SCN10A: variants seen among roughly 807,000 people sequenced by gnomAD.
SCN10A encodes the protein sodium voltage-gated channel alpha subunit 10.
A neutral mutation model predicts 170.7 loss-of-function variants in SCN10A; 162 were observed. That is an observed-to-expected ratio of 0.95 (90% CI 0.84 to 1.08). The LOEUF (loss-of-function observed/expected upper bound fraction) is 1.08, where lower values mean the gene tolerates loss of function less well. SCN10A is among the 50% of genes least tolerant of loss of function. SCN10A has a pLI of 0.00. For missense variants in SCN10A, 2,527 were observed against 2,436.9 expected (o/e 1.04, Z -0.78); for synonymous variants, 985 against 904.6 (o/e 1.09, Z -1.59).
Position 38,760,675 on chromosome 3 carries a change from A to G in SCN10A, c.950+6T>C. The G allele has an allele frequency of 6.2e-7, 1 of 1,612,032 alleles. No individual in the cohort carries two copies. Among genetic ancestry groups the G allele is most frequent in the Non-Finnish European group, 8.5e-7 (1 of 1,178,170 alleles). On this transcript the variant is annotated splice_donor_region_variant and intron_variant, in intron 8 of 27. Coordinates refer to ENST00000449082, the MANE Select transcript of SCN10A (RefSeq NM_006514.4). ...ACTCGTGCTTTGTCATAAGTTGGGA[A>G]CTCACCCTGAGTCAGATCCATTGCC...
chr3:38,766,423 G>A (rs751558751), intron 5 of SCN10A, among the ~76,000 whole-genome samples: 1 of 151,970 alleles, frequency 6.6e-6, no homozygotes, highest in Non-Finnish European at 1.5e-5. Flanking sequence ...ATGCCAATTT[G>A]GTTGAGGGTT....
intron 8 of SCN10A, among the ~76,000 whole-genome samples, chr3:38,759,085 C>A (rs1026805742): frequency 6.6e-6 from 1 of 152,188 alleles, no homozygotes; most frequent in Non-Finnish European, 1.5e-5. Flanking sequence ...TTCCAGTCCT[C>A]AGCTCCAACT....
At chr3:38,770,826 A>T (rs1048433513) in intron 5 of SCN10A, among the ~76,000 whole-genome samples, 15 of 152,154 alleles carry the variant, frequency 9.9e-5, no homozygotes, top group African/African-American at 3.6e-4. Context: ...GGTGCCTGTG[A>T]GACATAGTCA....
chr3:38,791,306 A>G (rs1009309008), intron 3 of SCN10A, among the ~76,000 whole-genome samples: 53 of 152,180 alleles, frequency 3.5e-4, no homozygotes, highest in Non-Finnish European at 3.7e-4. Context: ...AAACCAAACC[A>G]AAGTATCTTT....
At chr3:38,776,657 G>A (rs1303965440) in intron 4 of SCN10A, among the ~76,000 whole-genome samples, 1 of 152,016 alleles carries the variant, frequency 6.6e-6, no homozygotes, top group Non-Finnish European at 1.5e-5. Context: ...GAGATCCTTA[G>A]ATCACTTGTT....
chr3:38,731,466 G>A (rs115758563), intron 15 of SCN10A, among the ~76,000 whole-genome samples: 2,120 of 152,312 alleles, frequency 0.014, 52 homozygotes, highest in African/African-American at 0.048. Context: ...CAGGATACCA[G>A]ATAAGAAATA....
intron 13 of SCN10A, among the ~76,000 whole-genome samples, chr3:38,748,096 C>T (rs1038643824): frequency 6.6e-6 from 1 of 151,840 alleles, no homozygotes; most frequent in Non-Finnish European, 1.5e-5. Flanking sequence ...TAACAGTTTT[C>T]GAGAATAAAT....
chr3:38,804,480 T>G (rs755424404), intron 1 of SCN10A, among the ~76,000 whole-genome samples: 4 of 152,186 alleles, frequency 2.6e-5, no homozygotes, highest in Non-Finnish European at 5.9e-5. Context: ...TTTTGTCTAT[T>G]TGCTTAGCTG....
intron 4 of SCN10A, among the ~76,000 whole-genome samples, chr3:38,783,271 C>T (rs2064160321): frequency 6.6e-6 from 1 of 152,064 alleles, no homozygotes; most frequent in South Asian, 2.1e-4. Context: ...TGGAACGTGA[C>T]CAGCACTTCA....
At chr3:38,724,641 G>C (rs929704439) in intron 18 of SCN10A, among the ~76,000 whole-genome samples, 3 of 152,196 alleles carry the variant, frequency 2.0e-5, no homozygotes, top group African/African-American at 7.2e-5. Flanking sequence ...AGAATCACAA[G>C]GGAAAACTTC....
At position 38,793,729 on chromosome 3, in the gene SCN10A, A is replaced by G. The variant is rs761698317; in HGVS notation, c.270+12T>C. On this transcript the variant is annotated intron_variant, in intron 2 of 27. Coordinates refer to ENST00000449082, the MANE Select transcript of SCN10A (RefSeq NM_006514.4). ...AGAGCTGAGAGCAGACATTCCTACT[A>G]GTAGCTCTTACCCGGTGTGTGCTGT... 21 of 1,607,238 alleles carry G rather than the reference A, an allele frequency of 1.3e-5. No individual in the cohort carries two copies. The highest frequency in any genetic ancestry group is 1.8e-5 in the Non-Finnish European group (21 of 1,175,210).
chr3:38,805,405 G>A (rs139803749), intron 1 of SCN10A, among the ~76,000 whole-genome samples: 1 of 152,112 alleles, frequency 6.6e-6, no homozygotes, highest in Admixed American at 6.6e-5. Flanking sequence ...AGATATTGCT[G>A]GGCTCTCCAT....
chr3:38,802,401 A>T (rs554958376), intron 1 of SCN10A, among the ~76,000 whole-genome samples: 1 of 152,294 alleles, frequency 6.6e-6, no homozygotes, highest in African/African-American at 2.4e-5. Flanking sequence ...TTCCACCCAG[A>T]TGTCTGACAG....
Position 38,763,645 on chromosome 3 carries a change from G to A in SCN10A, c.600-49C>T, listed in dbSNP as rs1339666994. ...CATCTCTGCAAGCAAGGGTCCTGGG[G>A]ATGCATGCAGCATAAATAAGGATAA... is the stretch of plus-strand genomic sequence containing the variant. On this transcript the variant is annotated intron_variant, in intron 5 of 27. Transcript: ENST00000449082. 3.0e-6 allele frequency: 4 copies of A among 1,340,492 alleles called. No homozygotes were observed. The African/African-American group carries it at 5.7e-5, about 19-fold the overall frequency. 83.0% of individuals were successfully genotyped at this position (1,340,492 alleles called of 1,614,324 possible).
At chr3:38,736,361 C>G (rs868480853) in intron 15 of SCN10A, among the ~76,000 whole-genome samples, 16,988 of 139,154 alleles carry the variant, frequency 0.12, 1,104 homozygotes, top group African/African-American at 0.17. Context: ...TAGGGAAACT[C>G]TGTGTGTGTG....
chr3:38,752,123 C>T, intron 12 of SCN10A, 96 bp downstream of exon 12: 1 of 1,154,638 alleles, frequency 8.7e-7, no homozygotes, highest in Non-Finnish European at 1.2e-6. Flanking sequence ...AGGATGATGG[C>T]TAAAGATCCC....
At chr3:38,811,514 C>T (rs1219154763) in intron 1 of SCN10A, among the ~76,000 whole-genome samples, 6 of 150,590 alleles carry the variant, frequency 4.0e-5, no homozygotes, top group Non-Finnish European at 4.4e-5. Context: ...AGTGTAAAAA[C>T]GATATATAGT....
intron 20 of SCN10A, among the ~76,000 whole-genome samples, chr3:38,721,289 G>A (rs1198730894): frequency 6.6e-6 from 1 of 152,214 alleles, no homozygotes; most frequent in Non-Finnish European, 1.5e-5. Flanking sequence ...TGAATCGGAA[G>A]AGCGGGACTG....
chr3:38,806,079 T>C (rs893224961), intron 1 of SCN10A, among the ~76,000 whole-genome samples: 1 of 152,130 alleles, frequency 6.6e-6, no homozygotes. Context: ...TGGTGAATGA[T>C]TGATCTGTTT....
Sources: allele counts gnomAD v4.1 joint callset (sites outside exome capture counted in the v4.1 genomes callset), GRCh38; gene constraint gnomAD v4.1.1; transcripts MANE v1.5; gene names NCBI Gene and HGNC (gene_info 2026-07-23, HGNC 2026-07-21).